The following PRDM16 variants were observed in gnomAD, a reference collection of about 807,000 sequenced individuals.
The protein encoded by PRDM16 is histone-lysine N-methyltransferase PRDM16.
In PRDM16, 23 loss-of-function variants were observed where a neutral mutation model predicts 110.6. The ratio of observed to expected loss-of-function variants is 0.21; its 90% CI spans 0.15 to 0.29. The LOEUF is 0.29. Among genes scored for constraint, PRDM16 ranks in the 10% least tolerant of loss-of-function variants. The pLI, the probability that PRDM16 is intolerant of heterozygous loss-of-function variation, is 1.00. For missense variants in PRDM16, 1,615 were observed against 1,794.3 expected, an observed-to-expected ratio of 0.90 and a Z score of 1.81; for synonymous variants, 799 against 781.8, an observed-to-expected ratio of 1.02 and a Z score of -0.37.
chr1:3,254,277 C>T (rs945222397), intron 3 of PRDM16, among the ~76,000 whole-genome samples: 9 of 152,184 alleles, frequency 5.9e-5, no homozygotes, highest in Non-Finnish European at 1.2e-4. Context: ...TCTCACCACT[C>T]CTATTCAACA....
chr1:3,071,661 C>T (rs544232368), intron 1 of PRDM16, among the ~76,000 whole-genome samples: 1 of 152,346 alleles, frequency 6.6e-6, no homozygotes, highest in African/African-American at 2.4e-5. Flanking sequence ...GTCCATTACC[C>T]GAGTCAGAGG....
chr1:3,286,740 G>C (rs185665112), intron 3 of PRDM16, among the ~76,000 whole-genome samples: 1 of 152,154 alleles, frequency 6.6e-6, no homozygotes, highest in African/African-American at 2.4e-5. Context: ...CTACGTGCTG[G>C]GCGCTTAACT....
chr1:3,133,716 C>T (rs961512832), intron 1 of PRDM16: 23 of 152,246 alleles, frequency 1.5e-4, no homozygotes, highest in Non-Finnish European at 1.0e-4. Context: ...AGGCTGGGCC[C>T]GAGCCAGCTC....
chr1:3,346,249 GA>G (rs1642360994), intron 3 of PRDM16, among the ~76,000 whole-genome samples: 1 of 152,244 alleles, frequency 6.6e-6, no homozygotes, highest in South Asian at 2.1e-4. Flanking sequence ...CCACGGCGGT[GA>G]GCGACGTACC....
At chr1:3,181,552 GCA>G (rs36166182) in intron 1 of PRDM16, among the ~76,000 whole-genome samples, 15,406 of 27,494 alleles carry the variant, frequency 0.56, 6,136 homozygotes, top group East Asian at 0.81. Flanking sequence ...TCTTACACAC[GCA>G]GTCTTACACA....
rs1256394087 is a variant in PRDM16 at position 3,412,248 on chromosome 1, C to G, written c.2051C>G (p.Thr684Ser). ...CCGCCACCCGACGAGCAGCTGCTGA[C>G]TGCAACGGGCGCCGCCGGGGACTCC... Reference protein sequence around the residue: ...FFPPPDEQLLTATGAAGDSIK... With the variant: ...FFPPPDEQLLSATGAAGDSIK... The change falls in exon 9 of 17, where the codon ACT (threonine) becomes AGT (serine). Residue 684 changes from threonine to serine, a missense_variant. Physicochemically the swap from Thr to Ser is moderately conservative, Grantham distance 58. Around this residue, in one of 5 missense-constraint regions of PRDM16, gnomAD observed 772 missense variants for 748.3 expected, o/e 1.03. Coordinates refer to ENST00000270722, the MANE Select transcript of PRDM16 (RefSeq NM_022114.4). 6.2e-7 allele frequency: 1 copy of G among 1,611,364 alleles called. No homozygotes were observed. Among genetic ancestry groups the G allele is most frequent in the African/African-American group, 1.3e-5 (1 of 74,888 alleles).
intron 3 of PRDM16, among the ~76,000 whole-genome samples, chr1:3,284,166 G>C (rs1355601958): frequency 6.6e-6 from 1 of 152,178 alleles, no homozygotes; most frequent in African/African-American, 2.4e-5. Context: ...TCTATCGCCT[G>C]CCTGGGGGAC....
At chr1:3,131,821 C>T (rs1643341422) in intron 1 of PRDM16, among the ~76,000 whole-genome samples, 1 of 152,198 alleles carries the variant, frequency 6.6e-6, no homozygotes, top group South Asian at 2.1e-4. Context: ...GCCCTGGGGT[C>T]TCCAGGCAGC....
intron 1 of PRDM16, among the ~76,000 whole-genome samples, chr1:3,185,129 G>A (rs1366159897): frequency 6.6e-6 from 1 of 152,152 alleles, no homozygotes; most frequent in Non-Finnish European, 1.5e-5. Context: ...ACTGGGTGGA[G>A]GGCTTTGCTT....
intron 1 of PRDM16, among the ~76,000 whole-genome samples, chr1:3,179,741 T>C (rs1644129162): frequency 6.6e-6 from 1 of 152,186 alleles, no homozygotes; most frequent in African/African-American, 2.4e-5. Flanking sequence ...CTTGCCCTGC[T>C]CACCAGGCAC....
At chr1:3,311,441 C>T (rs1010510569) in intron 3 of PRDM16, among the ~76,000 whole-genome samples, 1 of 152,200 alleles carries the variant, frequency 6.6e-6, no homozygotes, top group African/African-American at 2.4e-5. Flanking sequence ...CTCCGAGGCA[C>T]CAATCTGGCC....
chr1:3,118,725 TGGGGGCCACG>T (rs201967702), intron 1 of PRDM16, among the ~76,000 whole-genome samples: 2,305 of 152,242 alleles, frequency 0.015, 53 homozygotes, highest in African/African-American at 0.045. Flanking sequence ...GATCTCAGCC[TGGGGGCCACG>T]TGGATGGAGT....
chr1:3,228,712 C>A (rs188737154), intron 2 of PRDM16, among the ~76,000 whole-genome samples: 1 of 152,332 alleles, frequency 6.6e-6, no homozygotes, highest in East Asian at 1.9e-4. Context: ...CCTCCAGAAC[C>A]AGTACCACCT....
chr1:3,297,071 G>A (rs771037507), intron 3 of PRDM16, among the ~76,000 whole-genome samples: 5 of 152,150 alleles, frequency 3.3e-5, no homozygotes, highest in African/African-American at 9.7e-5. Flanking sequence ...CTCAGTGTGC[G>A]GTTTCCACTG....
At chr1:3,288,354 TC>T (rs1337159127) in intron 3 of PRDM16, among the ~76,000 whole-genome samples, 1 of 152,128 alleles carries the variant, frequency 6.6e-6, no homozygotes, top group African/African-American at 2.4e-5. Context: ...CCCTTCCCAC[TC>T]CCCGCTCTGT....
intron 1 of PRDM16, among the ~76,000 whole-genome samples, chr1:3,181,275 T>TACAC (rs2100782283): frequency 2.6e-5 from 3 of 114,422 alleles, no homozygotes; most frequent in African/African-American, 6.3e-5. Flanking sequence ...CACACGGCCT[T>TACAC]ACGCATGGTC....
At chr1:3,378,755 A>C (rs1294234034) in intron 3 of PRDM16, among the ~76,000 whole-genome samples, 3 of 152,010 alleles carry the variant, frequency 2.0e-5, no homozygotes, top group Non-Finnish European at 4.4e-5. Context: ...GGAATCAGAG[A>C]CAGTACAGGC....
At chr1:3,114,641 C>T (rs1369281579) in intron 1 of PRDM16, among the ~76,000 whole-genome samples, 3 of 151,092 alleles carry the variant, frequency 2.0e-5, no homozygotes, top group Middle Eastern at 3.2e-3. Context: ...CACATATGTG[C>T]AAGCACACAC....
At chr1:3,368,048 C>A (rs1232479077) in intron 3 of PRDM16, among the ~76,000 whole-genome samples, 1 of 152,160 alleles carries the variant, frequency 6.6e-6, no homozygotes, top group Non-Finnish European at 1.5e-5. Flanking sequence ...ACCTGACATG[C>A]CAGAGGGCCC....
Sources: gnomAD v4.1 joint callset for allele counts (sites outside exome capture counted in the v4.1 genomes callset) on GRCh38, gnomAD v4.1.1 for gene constraint, gnomAD v4.1.1 regional missense constraint, MANE v1.5 for transcripts, NCBI Gene and HGNC (gene_info 2026-07-23, HGNC 2026-07-21) for gene names.